The following CEP128 variants were observed in gnomAD, a reference collection of about 807,000 sequenced individuals.
The protein encoded by CEP128 is centrosomal protein 128.
In CEP128, 132 loss-of-function variants were observed where a neutral mutation model predicts 156.7. The observed-to-expected ratio is 0.84, with a 90% CI of 0.73 to 0.97. The LOEUF is 0.97. Ranked by LOEUF, CEP128 falls within the 50% of genes least tolerant of loss-of-function variation. The probability of loss-of-function intolerance (pLI) is 0.00; values close to 1 mark genes in which losing one functional copy is unlikely to be tolerated. For missense variants in CEP128, 1,252 were observed against 1,281.9 expected, an observed-to-expected ratio of 0.98 and a Z score of 0.36; for synonymous variants, 469 against 448.9, an observed-to-expected ratio of 1.04 and a Z score of -0.57.
At chr14:80,769,342 A>G (rs947473625) in intron 16 of CEP128, among the ~76,000 whole-genome samples, 8 of 151,200 alleles carry the variant, frequency 5.3e-5, no homozygotes, top group Non-Finnish European at 1.0e-4. Context: ...GGTTTGTTAC[A>G]TATGTATACA....
intron 2 of CEP128, among the ~76,000 whole-genome samples, chr14:80,917,513 A>T (rs1484323336): frequency 2.0e-5 from 3 of 152,204 alleles, no homozygotes; most frequent in Non-Finnish European, 4.4e-5. Flanking sequence ...ATAGTGTGAT[A>T]AAAACATTTC....
At chr14:80,808,399 G>T (rs1490096617) in intron 13 of CEP128, among the ~76,000 whole-genome samples, 1 of 152,042 alleles carries the variant, frequency 6.6e-6, no homozygotes, top group Non-Finnish European at 1.5e-5. Flanking sequence ...TGCATGTCTG[G>T]GCTGTGTGTG....
chr14:80,774,726 G>A (rs1050135412), intron 16 of CEP128, among the ~76,000 whole-genome samples: 1 of 151,980 alleles, frequency 6.6e-6, no homozygotes, highest in African/African-American at 2.4e-5. Flanking sequence ...GCCTGGTCTT[G>A]GAGATGGAAA....
At chr14:80,652,343 G>C (rs1392842283) in intron 19 of CEP128, among the ~76,000 whole-genome samples, 1 of 152,062 alleles carries the variant, frequency 6.6e-6, no homozygotes. Context: ...ATTGACAAAT[G>C]GGATCTAATT....
At chr14:80,865,949 C>T (rs1236268634) in intron 8 of CEP128, among the ~76,000 whole-genome samples, 1 of 152,152 alleles carries the variant, frequency 6.6e-6, no homozygotes, top group Non-Finnish European at 1.5e-5. Flanking sequence ...CAAAGCCACA[C>T]CTGTCTCTCA....
chr14:80,612,068 AAAAT>A lies in CEP128; in HGVS notation c.2807-31649_2807-31646del, dbSNP rs1893014925. ...GCGAGACTCTGTCTCAAAAAAATAAAAAATAAATAAATAAAAACCTTAGATATAT... is the reference window on the plus strand; with the variant it reads ...GCGAGACTCTGTCTCAAAAAAATAAAAAATAAATAAAAACCTTAGATATAT... On this transcript the variant is annotated intron_variant, in intron 19 of 24. Transcript: ENST00000555265. Among the ~76,000 whole-genome samples, 4 of 152,304 alleles carry A rather than the reference AAAAT, an allele frequency of 2.6e-5. No homozygotes were observed. In the South Asian group the frequency reaches 8.3e-4, roughly 32 times the overall value.
intron 19 of CEP128, among the ~76,000 whole-genome samples, chr14:80,632,359 T>C (rs1375676252): frequency 6.7e-6 from 1 of 149,452 alleles, no homozygotes; most frequent in Non-Finnish European, 1.5e-5. Flanking sequence ...AGTTTATATA[T>C]ACTAAGTATA....
chr14:80,727,113 T>C (rs1366844396), intron 19 of CEP128, among the ~76,000 whole-genome samples: 1 of 152,216 alleles, frequency 6.6e-6, no homozygotes, highest in African/African-American at 2.4e-5. Flanking sequence ...GAAAGAGTTC[T>C]GATTGCTTTA....
intron 22 of CEP128, chr14:80,527,291 A>G: frequency 2.2e-6 from 1 of 454,424 alleles, no homozygotes; most frequent in Non-Finnish European, 4.4e-6. Context: ...CTAGTCAGAT[A>G]TGGTGGTGCA....
At chr14:80,646,720 G>A (rs1260117217) in intron 19 of CEP128, among the ~76,000 whole-genome samples, 2 of 151,484 alleles carry the variant, frequency 1.3e-5, no homozygotes, top group Non-Finnish European at 2.9e-5. Context: ...GTTAAAAATG[G>A]ATATACACAA....
Position 80,785,167 on chromosome 14 carries a change from G to A in CEP128, c.1939C>T (p.Leu647Phe). 1 of 1,614,174 alleles carries A rather than the reference G, an allele frequency of 6.2e-7. No homozygotes were observed. Among genetic ancestry groups the A allele is most frequent in the South Asian group, 1.1e-5 (1 of 91,082 alleles). Residue 647 changes from leucine to phenylalanine, a missense_variant, in exon 15 of 25, where the codon CTT (leucine) becomes TTT (phenylalanine). Physicochemically the swap from Leu to Phe is conservative, Grantham distance 22 (BLOSUM62 0). Transcript: ENST00000555265. ...IKDLSAIRAD[L>F]ANKLAEEERA... ...TCTTCCTCAGCCAATTTATTAGCAA[G>A]ATCTGCTCGGATGGCACTCAGGTCC...
intron 23 of CEP128, among the ~76,000 whole-genome samples, chr14:80,525,906 T>A (rs1888953610): frequency 6.6e-6 from 1 of 152,196 alleles, no homozygotes. Context: ...ATTAATTATA[T>A]TTCACTGTAA....
intron 19 of CEP128, among the ~76,000 whole-genome samples, chr14:80,603,607 T>C (rs1892665384): frequency 6.6e-6 from 1 of 152,222 alleles, no homozygotes; most frequent in South Asian, 2.1e-4. Context: ...CTTGTCCATC[T>C]ACTCCTCCTT....
rs2239610 is a variant in CEP128, at chr14:80,955,913, G to C, written c.-172+2265C>G. ...TCAAGGGCATCTGCAGAGGTGGCCC[G>C]AAGTGCACAAAAGCAGCTCAATAAC... On this transcript the variant is annotated intron_variant, in intron 2 of 7. Transcript: ENST00000555529. 0.26 allele frequency: 413,612 copies of C among 1,606,776 alleles called. 55,355 individuals carry two copies. The highest frequency in any genetic ancestry group is 0.36 in the Admixed American group (21,364 of 59,966).
At chr14:80,568,781 T>C (rs1458416960) in intron 20 of CEP128, among the ~76,000 whole-genome samples, 1 of 152,260 alleles carries the variant, frequency 6.6e-6, no homozygotes, top group Admixed American at 6.5e-5. Flanking sequence ...ATTGGTACAC[T>C]CTTCTTTCTA....
At chr14:80,959,384 A>G (rs144365245) in intron 1 of CEP128, 32 of 152,348 alleles carry the variant, frequency 2.1e-4, no homozygotes, top group African/African-American at 7.7e-4. Context: ...TATAGATCAT[A>G]TATCTCAAAA....
At chr14:80,940,711 A>C (rs997026165) in intron 1 of CEP128, among the ~76,000 whole-genome samples, 1 of 152,034 alleles carries the variant, frequency 6.6e-6, no homozygotes, top group African/African-American at 2.4e-5. Flanking sequence ...TAAGTTTTAT[A>C]TTTACTCCAT....
At chr14:80,726,152 C>G (rs754379844) in intron 19 of CEP128, among the ~76,000 whole-genome samples, 9 of 152,190 alleles carry the variant, frequency 5.9e-5, no homozygotes, top group Non-Finnish European at 1.3e-4. Flanking sequence ...ATGACCATGA[C>G]AGCCATGATG....
chr14:80,790,056 T>A (rs1286004787), intron 14 of CEP128, among the ~76,000 whole-genome samples: 1 of 152,072 alleles, frequency 6.6e-6, no homozygotes, highest in Non-Finnish European at 1.5e-5. Context: ...AAATTCAGAT[T>A]TTACAAGATA....
Sources: allele counts gnomAD v4.1 joint callset (sites outside exome capture counted in the v4.1 genomes callset), GRCh38; gene constraint gnomAD v4.1.1; transcripts MANE v1.5; gene names NCBI Gene and HGNC (gene_info 2026-07-23, HGNC 2026-07-21).